MCTP2: variants seen among roughly 807,000 people sequenced by gnomAD.
MCTP2 encodes the protein multiple C2 and transmembrane domain containing 2.
MCTP2 carries 132 observed loss-of-function variants against 111.6 expected under a neutral mutation model. That is an observed-to-expected ratio of 1.18 (90% CI 1.03 to 1.37). The LOEUF (loss-of-function observed/expected upper bound fraction) is 1.37, where lower values mean the gene tolerates loss of function less well. MCTP2 is among the 40% of genes most tolerant of loss of function. The pLI is 0.00. For synonymous variants in MCTP2, 395 were observed against 387.7 expected (o/e 1.02, Z -0.22); for missense variants, 1,183 against 1,067.9 (o/e 1.11, Z -1.50).
intron 1 of MCTP2, among the ~76,000 whole-genome samples, chr15:94,284,728 A>G (rs1030443864): frequency 1.3e-5 from 2 of 152,228 alleles, no homozygotes; most frequent in Admixed American, 1.3e-4. Flanking sequence ...AGGCAGTGTG[A>G]TTGCACAGAA....
At chr15:94,311,184 C>T (rs2076119273) in intron 2 of MCTP2, among the ~76,000 whole-genome samples, 1 of 151,534 alleles carries the variant, frequency 6.6e-6, no homozygotes, top group South Asian at 2.1e-4. Flanking sequence ...GCCACCACAC[C>T]CGGCTAATTT....
intron 10 of MCTP2, among the ~76,000 whole-genome samples, chr15:94,361,025 T>TACATC (rs2078903945): frequency 6.7e-6 from 1 of 148,378 alleles, no homozygotes; most frequent in Non-Finnish European, 1.5e-5. Flanking sequence ...CTAGCATATG[T>TACATC]ACATCACTGA....
At chr15:94,468,538 T>TTG in intron 20 of MCTP2, among the ~76,000 whole-genome samples, 1 of 152,264 alleles carries the variant, frequency 6.6e-6, no homozygotes, top group African/African-American at 2.4e-5. Context: ...ATAGGCATAT[T>TTG]AAAAGGTATT....
At position 94,455,905 on chromosome 15, in the gene MCTP2, AACTG is replaced by A. The variant is rs749163232; in HGVS notation, c.2251-2228_2251-2225del. 7.9e-5 allele frequency among the ~76,000 whole-genome samples: 12 copies of A among 152,382 alleles called. No individual in the cohort carries two copies. In the South Asian group the frequency reaches 1.9e-3, roughly 24 times the overall value. On this transcript the variant is annotated intron_variant, in intron 19 of 22. Coordinates refer to ENST00000357742, the MANE Select transcript of MCTP2 (RefSeq NM_001385001.1). ...CGGTATATAGACAGTTGTAGCTAGTAACTGACTAAAATATATGAATATATATCAC... is the reference window on the plus strand; with the variant it reads ...CGGTATATAGACAGTTGTAGCTAGTAACTAAAATATATGAATATATATCAC...
intron 17 of MCTP2, among the ~76,000 whole-genome samples, chr15:94,412,186 C>G (rs1047569523): frequency 6.6e-6 from 1 of 152,122 alleles, no homozygotes; most frequent in Non-Finnish European, 1.5e-5. Context: ...GATTCTCAGT[C>G]CTACACTACT....
chr15:94,396,479 A>G (rs779771483), intron 14 of MCTP2, among the ~76,000 whole-genome samples: 10 of 152,098 alleles, frequency 6.6e-5, no homozygotes, highest in African/African-American at 2.2e-4. Context: ...GTTTTCATCT[A>G]TTATATAAAT....
At chr15:94,287,052 T>C (rs948108725) in intron 1 of MCTP2, among the ~76,000 whole-genome samples, 1 of 152,210 alleles carries the variant, frequency 6.6e-6, no homozygotes, top group African/African-American at 2.4e-5. Context: ...TTTTTAAATA[T>C]CCTTCGAGAG....
At chr15:94,475,979 C>T (rs893824836) in intron 21 of MCTP2, among the ~76,000 whole-genome samples, 5 of 152,192 alleles carry the variant, frequency 3.3e-5, no homozygotes, top group Non-Finnish European at 7.3e-5. Context: ...GACAGACCCA[C>T]GCACCGACGT....
In MCTP2 at chr15:94,424,530, C is replaced by T. The variant is rs549107563; in HGVS notation, c.2086-15646C>T. Reference sequence around the variant, plus strand: ...GGACTTAGCAATCTTGTTTAAATAACGCCTCCAGGTGCTTCTCATACAGGC... The same window carrying T: ...GGACTTAGCAATCTTGTTTAAATAATGCCTCCAGGTGCTTCTCATACAGGC... On this transcript the variant is annotated intron_variant, in intron 17 of 22. Transcript: ENST00000357742. Among the ~76,000 whole-genome samples the T allele has an allele frequency of 5.9e-5, 9 of 152,246 alleles. No homozygotes were observed. In the South Asian group the frequency reaches 8.3e-4, roughly 14 times the overall value.
At chr15:94,313,478 A>G (rs964011528) in intron 2 of MCTP2, among the ~76,000 whole-genome samples, 7 of 152,086 alleles carry the variant, frequency 4.6e-5, no homozygotes, top group Non-Finnish European at 1.0e-4. Context: ...TGAGGCAGGC[A>G]GATCACGAGG....
rs1228109793 is a variant in MCTP2 at position 94,450,339 on chromosome 15, TGTGTGCGTGTGTGTGTGCACGCGCAC to T, written c.2250+7388_2250+7413del. ...CGAGCTGTGGCGTTGACTCCATGTG[TGTGTGCGTGTGTGTGTGCACGCGCAC>T]GTGTGCGTCTGCATCCCTGCATGCC... On this transcript the variant is annotated intron_variant, in intron 19 of 22. Transcript: ENST00000357742. 8.5e-5 allele frequency among the ~76,000 whole-genome samples: 13 copies of T among 152,276 alleles called. No individual in the cohort carries two copies. The East Asian group carries it at 2.5e-3, about 29-fold the overall frequency.
chr15:94,457,947 T>C (rs536982790), intron 19 of MCTP2, among the ~76,000 whole-genome samples, 190 bp from the exon 20 acceptor site: 1 of 151,878 alleles, frequency 6.6e-6, no homozygotes, highest in Admixed American at 6.6e-5. Context: ...GCGTTAGGAG[T>C]GGTAGCATCT....
chr15:94,272,739 T>TC (rs398119098), intron 1 of MCTP2, among the ~76,000 whole-genome samples: 6 of 151,928 alleles, frequency 3.9e-5, no homozygotes, highest in African/African-American at 1.2e-4. Flanking sequence ...TATTTTTTTT[T>TC]CCCCTCTCTG....
intron 1 of MCTP2, chr15:94,278,300 C>T (rs1307685107): frequency 6.6e-6 from 1 of 152,096 alleles, no homozygotes; most frequent in Non-Finnish European, 1.5e-5. Flanking sequence ...ACGGTATTGA[C>T]ACAGGTATAG....
At chr15:94,368,574 A>G (rs1464988048) in intron 11 of MCTP2, among the ~76,000 whole-genome samples, 1 of 152,206 alleles carries the variant, frequency 6.6e-6, no homozygotes, top group African/African-American at 2.4e-5. Context: ...AGGATCCTTC[A>G]CTGTGTAGAT....
intron 20 of MCTP2, among the ~76,000 whole-genome samples, chr15:94,466,383 C>T (rs2073301795): frequency 6.6e-6 from 1 of 152,022 alleles, no homozygotes; most frequent in Non-Finnish European, 1.5e-5. Flanking sequence ...GTTTAAGTCA[C>T]CTTGGGATAC....
At chr15:94,264,206 G>A (rs1018915751) in intron 1 of MCTP2, among the ~76,000 whole-genome samples, 2 of 152,150 alleles carry the variant, frequency 1.3e-5, no homozygotes, top group East Asian at 3.9e-4. Flanking sequence ...AAGAAAGTGG[G>A]CTCTGGTTTC....
intron 4 of MCTP2, among the ~76,000 whole-genome samples, chr15:94,332,203 G>A (rs910232132): frequency 6.6e-6 from 1 of 152,132 alleles, no homozygotes; most frequent in South Asian, 2.1e-4. Flanking sequence ...AGCCGCACTA[G>A]AGCTGAGTAG....
chr15:94,474,753 G>A (rs1038411754), intron 21 of MCTP2, among the ~76,000 whole-genome samples: 10 of 152,200 alleles, frequency 6.6e-5, no homozygotes, highest in African/African-American at 2.4e-4. Context: ...GTCTCACAGA[G>A]TTGTGAATAG....
Sources: allele counts gnomAD v4.1 joint callset (sites outside exome capture counted in the v4.1 genomes callset), GRCh38; gene constraint gnomAD v4.1.1; transcripts MANE v1.5; gene names NCBI Gene and HGNC (gene_info 2026-07-23, HGNC 2026-07-21).